The following LSM1 variants were observed in gnomAD, a reference collection of about 807,000 sequenced individuals.
LSM1 encodes LSM1 homolog, mRNA degradation associated.
LSM1 carries 13 observed loss-of-function variants against 18.0 expected under a neutral mutation model. That is an observed-to-expected ratio of 0.72 (90% confidence interval 0.47 to 1.15). The LOEUF (loss-of-function observed/expected upper bound fraction) is 1.15. Ranked by LOEUF, LSM1 falls within the 50% of genes most tolerant of loss-of-function variation. LSM1 has a pLI of 0.00. For synonymous variants in LSM1, 46 were observed against 56.0 expected (o/e 0.82, Z 0.80); for missense variants, 152 against 157.7 (o/e 0.96, Z 0.19).
intron 1 of LSM1, among the ~76,000 whole-genome samples, chr8:38,173,788 G>C (rs1427542838): frequency 6.6e-6 from 1 of 152,188 alleles, no homozygotes; most frequent in Admixed American, 6.5e-5. Flanking sequence ...GAAAACCAAA[G>C]ACATCAAGAT....
chr8:38,165,632 G>A (rs1297874173), intron 3 of LSM1, among the ~76,000 whole-genome samples: 1 of 151,664 alleles, frequency 6.6e-6, no homozygotes, highest in Non-Finnish European at 1.5e-5. Context: ...AGGAGGCAGA[G>A]GTTGCAGTGA....
In LSM1 at chr8:38,174,219, C is replaced by T. The variant is rs138600330; in HGVS notation, c.46+2056G>A. On this transcript the variant is annotated intron_variant, in intron 1 of 3. Coordinates refer to ENST00000311351, the MANE Select transcript of LSM1 (RefSeq NM_014462.3). Reference sequence around the variant, plus strand: ...AAAAGGGATGGGCATATGAAGAGAACGGAGAAAATATTTGAGATGGATAGA... The same window carrying T: ...AAAAGGGATGGGCATATGAAGAGAATGGAGAAAATATTTGAGATGGATAGA... Among the ~76,000 whole-genome samples the T allele has an allele frequency of 3.6e-4, 55 of 151,724 alleles. 1 individual carries two copies. The highest frequency in any genetic ancestry group is 1.2e-3 in the African/African-American group (48 of 41,338).
chr8:38,164,968 G>A (rs961417245), intron 3 of LSM1, among the ~76,000 whole-genome samples: 2 of 152,042 alleles, frequency 1.3e-5, no homozygotes, highest in African/African-American at 2.4e-5. Flanking sequence ...TTCCCTTTAC[G>A]GCAACAAGTC....
chr8:38,174,745 G>A (rs966523979), intron 1 of LSM1, among the ~76,000 whole-genome samples: 4 of 152,022 alleles, frequency 2.6e-5, no homozygotes, highest in African/African-American at 9.7e-5. Flanking sequence ...TCTGTCGGCC[G>A]GAGGCGGTGG....
At position 38,167,743 on chromosome 8, in the gene LSM1, G is replaced by A. The variant is rs184876809; in HGVS notation, c.231+2059C>T. Reference sequence around the variant, plus strand: ...CTATAACCCCACCATGCAGAGATGGGTCAGCTCCCCTATATACTGGCAGTA... The same window carrying A: ...CTATAACCCCACCATGCAGAGATGGATCAGCTCCCCTATATACTGGCAGTA... On this transcript the variant is annotated intron_variant, in intron 3 of 3. Transcript: ENST00000311351. Among the ~76,000 whole-genome samples, 138 of 152,190 alleles carry A rather than the reference G, an allele frequency of 9.1e-4. 2 individuals are homozygous for A. The highest frequency in any genetic ancestry group is 8.5e-3 in the Admixed American group (129 of 15,262).
At position 38,169,873 on chromosome 8, in the gene LSM1, T is replaced by G. The variant is rs763408982; in HGVS notation, c.160A>C (p.Lys54Gln). The change falls in exon 3 of 4, where the codon AAA becomes CAA. Residue 54 changes from lysine (K) to glutamine (Q), a missense_variant. Lys to Gln is a moderately conservative substitution (Grantham distance 53). Transcript: ENST00000311351. ...HQTVERIHVG[K>Q]KYGDIPRGIF... Reference sequence around the variant, plus strand: ...CCTCGAGGAATATCACCGTATTTTTTGCCCACATGAATACGCTCCACAGTC... The same window carrying G: ...CCTCGAGGAATATCACCGTATTTTTGGCCCACATGAATACGCTCCACAGTC... 1 of 1,614,032 alleles carries G rather than the reference T, an allele frequency of 6.2e-7. No individual in the cohort carries two copies.
At position 38,172,056 on chromosome 8, in the gene LSM1, T is replaced by C. The variant is rs1170223190; in HGVS notation, c.47-23A>G. On this transcript the variant is annotated intron_variant, in intron 1 of 3. Coordinates refer to ENST00000311351, the MANE Select transcript of LSM1 (RefSeq NM_014462.3). ...TTTCTGGGGAGAGAGGAAAAAATCT[T>C]TTAAATGAAAACTGACAAGTTCAGC... 5.7e-6 allele frequency: 9 copies of C among 1,567,298 alleles called. No homozygotes were observed. The East Asian group carries it at 9.0e-5, about 16-fold the overall frequency.
Position 38,163,718 on chromosome 8 carries a change from C to T in LSM1, c.354G>A (p.Lys118=). 1 of 1,614,164 alleles carries T rather than the reference C, an allele frequency of 6.2e-7. No homozygotes were observed. The highest frequency in any genetic ancestry group is 8.5e-7 in the Non-Finnish European group (1 of 1,180,008). ...CTCGAGGAATGGAAAGACCTCGGTCCTTCAGGGCCTGCACTTTCAACTTCT... is the reference window on the plus strand; with the variant it reads ...CTCGAGGAATGGAAAGACCTCGGTCTTTCAGGGCCTGCACTTTCAACTTCT... ...EAEKLKVQAL[K]DRGLSIPRAD... Residue 118 remains lysine (K), a synonymous_variant, in exon 4 of 4, where the codon AAG becomes AAA. Coordinates refer to ENST00000311351, the MANE Select transcript of LSM1 (RefSeq NM_014462.3).
intron 3 of LSM1, chr8:38,165,953 A>T (rs1383611951): frequency 6.6e-6 from 1 of 152,256 alleles, no homozygotes; most frequent in Non-Finnish European, 1.5e-5. Flanking sequence ...AATGTGGCAT[A>T]GTATGCTTAA....
intron 1 of LSM1, among the ~76,000 whole-genome samples, chr8:38,173,426 T>C (rs538807732): frequency 1.3e-5 from 2 of 152,136 alleles, no homozygotes; most frequent in South Asian, 4.1e-4. Flanking sequence ...AAAAGGGCTA[T>C]ACATCCATGT....
chr8:38,168,983 T>C (rs1399479409), intron 3 of LSM1, among the ~76,000 whole-genome samples: 1 of 152,132 alleles, frequency 6.6e-6, no homozygotes, highest in Non-Finnish European at 1.5e-5. Context: ...AAGACATGGC[T>C]AGGTATTTAG....
chr8:38,171,577 G>A (rs1310736752), intron 2 of LSM1, among the ~76,000 whole-genome samples: 1 of 152,220 alleles, frequency 6.6e-6, no homozygotes, highest in African/African-American at 2.4e-5. Flanking sequence ...TGAGGCACAA[G>A]AATCACTTGA....
chr8:38,173,108 T>G (rs1353401673), intron 1 of LSM1, among the ~76,000 whole-genome samples: 1 of 152,194 alleles, frequency 6.6e-6, no homozygotes, highest in Non-Finnish European at 1.5e-5. Flanking sequence ...CACTGAAGAA[T>G]GAAAATAAGC....
intron 1 of LSM1, among the ~76,000 whole-genome samples, chr8:38,173,839 T>TA (rs1274610594): frequency 6.6e-6 from 1 of 152,128 alleles, no homozygotes; most frequent in Non-Finnish European, 1.5e-5. Context: ...AGAGGTGATA[T>TA]AAAAAACTAA....
chr8:38,169,726 CT>C, intron 3 of LSM1, 75 bp downstream of exon 3: 1 of 826,792 alleles, frequency 1.2e-6, no homozygotes. Context: ...TTTTTATTCT[CT>C]TTTGAAAAGA....
chr8:38,176,703 C>T (rs1803156120), upstream of LSM1: 1 of 861,212 alleles, frequency 1.2e-6, no homozygotes, highest in South Asian at 2.2e-5. Flanking sequence ...TGACCTCCGT[C>T]CCTCAGCTTT....
At chr8:38,175,154 C>T (rs1362052136) in intron 1 of LSM1, among the ~76,000 whole-genome samples, 1 of 145,608 alleles carries the variant, frequency 6.9e-6, no homozygotes, top group Non-Finnish European at 1.5e-5. Flanking sequence ...GATCTCGGCT[C>T]ACTGCAACCT....
At chr8:38,171,153 C>CT in intron 2 of LSM1, 1 of 243,358 alleles carries the variant, frequency 4.1e-6, no homozygotes, top group African/African-American at 2.2e-5. Context: ...AAGGAAATGC[C>CT]TTCTACCCAA....
chr8:38,167,337 A>C (rs926497629), intron 3 of LSM1, among the ~76,000 whole-genome samples: 2 of 152,204 alleles, frequency 1.3e-5, no homozygotes, highest in Non-Finnish European at 2.9e-5. Flanking sequence ...ATAAAACAGA[A>C]GCATATCTGT....
Sources: allele counts gnomAD v4.1 joint callset (sites outside exome capture counted in the v4.1 genomes callset), GRCh38; gene constraint gnomAD v4.1.1; transcripts MANE v1.5; gene names NCBI Gene and HGNC (gene_info 2026-07-23, HGNC 2026-07-21).